Variants in PHLPP1 observed in about 807,000 individuals in gnomAD.
PHLPP1 encodes PH domain and leucine rich repeat protein phosphatase 1, also known as PH domain leucine-rich repeat-containing protein phosphatase 1.
In PHLPP1, 42 loss-of-function variants were observed where a neutral mutation model predicts 117.2. That is an observed-to-expected ratio of 0.36 (90% CI 0.28 to 0.46). PHLPP1 has a LOEUF of 0.46. PHLPP1 is among the 20% of genes least tolerant of loss of function. The pLI is 1.00. For missense variants in PHLPP1, 2,084 were observed against 2,241.9 expected, an observed-to-expected ratio of 0.93 and a Z score of 1.42; for synonymous variants, 1,042 against 970.7, an observed-to-expected ratio of 1.07 and a Z score of -1.37.
chr18:62,892,670 A>G lies in PHLPP1; in HGVS notation c.2067-2341A>G, dbSNP rs1183785780. Among the ~76,000 whole-genome samples the G allele has an allele frequency of 2.6e-5, 4 of 151,654 alleles. No homozygotes were observed. The East Asian group carries it at 8.1e-4, about 31-fold the overall frequency. ...GGCGGGCGGATCACGAGGCCAGGAG[A>G]TCGAGACCATCCTGGCCAACATGGT... On this transcript the variant is annotated intron_variant, in intron 4 of 16. Coordinates refer to ENST00000262719, the MANE Select transcript of PHLPP1 (RefSeq NM_194449.4).
At chr18:62,823,462 G>A (rs1914523948) in intron 1 of PHLPP1, among the ~76,000 whole-genome samples, 1 of 151,914 alleles carries the variant, frequency 6.6e-6, no homozygotes, top group Non-Finnish European at 1.5e-5. Flanking sequence ...TATTCAGGAG[G>A]CTTGAGGAGG....
At chr18:62,874,173 A>G (rs908993107) in intron 4 of PHLPP1, among the ~76,000 whole-genome samples, 6 of 148,080 alleles carry the variant, frequency 4.1e-5, no homozygotes, top group Non-Finnish European at 9.0e-5. Flanking sequence ...AATCAGAACG[A>G]AACTCTGTCT....
chr18:62,905,299 C>A lies in PHLPP1; in HGVS notation c.2708+15C>A. On this transcript the variant is annotated intron_variant, in intron 8 of 16. Coordinates refer to ENST00000262719, the MANE Select transcript of PHLPP1 (RefSeq NM_194449.4). ...GATGTTTCAAGGTAAGAAGTCAAGT[C>A]TTAGAGCCCTCTAGAGTCTACTAGA... The A allele has an allele frequency of 7.0e-7, 1 of 1,425,864 alleles. No homozygotes were observed. The highest frequency in any genetic ancestry group is 2.2e-5 in the Admixed American group (1 of 44,890). 88.3% of individuals were successfully genotyped at this position (1,425,864 alleles called of 1,614,324 possible).
At chr18:62,791,893 C>A (rs1415338671) in intron 1 of PHLPP1, among the ~76,000 whole-genome samples, 2 of 151,786 alleles carry the variant, frequency 1.3e-5, no homozygotes, top group Middle Eastern at 3.4e-3. Flanking sequence ...AAATTGGATT[C>A]GTACCCATTT....
chr18:62,933,724 A>C (rs995617978), intron 10 of PHLPP1, among the ~76,000 whole-genome samples: 3 of 152,200 alleles, frequency 2.0e-5, no homozygotes, highest in Admixed American at 6.5e-5. Flanking sequence ...TCGAAGGCAA[A>C]TGCAACAAAA....
chr18:62,727,807 G>A (rs376724212), intron 1 of PHLPP1, among the ~76,000 whole-genome samples: 1 of 151,942 alleles, frequency 6.6e-6, no homozygotes, highest in African/African-American at 2.4e-5. Flanking sequence ...TCTTTTTGAT[G>A]CCCCAATTTC....
chr18:62,724,249 C>A (rs957389135), intron 1 of PHLPP1, among the ~76,000 whole-genome samples: 1 of 152,090 alleles, frequency 6.6e-6, no homozygotes, highest in Non-Finnish European at 1.5e-5. Context: ...TAGCAAGATG[C>A]CTTCATAGTC....
chr18:62,791,919 A>G (rs977700902), intron 1 of PHLPP1, among the ~76,000 whole-genome samples: 1 of 151,974 alleles, frequency 6.6e-6, no homozygotes, highest in African/African-American at 2.4e-5. Context: ...TTTCATAACT[A>G]TAATTATTAC....
At chr18:62,821,422 G>A (rs556715553) in intron 1 of PHLPP1, among the ~76,000 whole-genome samples, 4 of 151,984 alleles carry the variant, frequency 2.6e-5, no homozygotes, top group South Asian at 2.1e-4. Context: ...AATGGCATAT[G>A]CCTGTAGTCC....
In PHLPP1 at chr18:62,937,832, T is replaced by C. The variant is rs1404537968; in HGVS notation, c.2961-3886T>C. On this transcript the variant is annotated intron_variant, in intron 10 of 16. Transcript: ENST00000262719. ...TTCGAGACCAGCCTGGCCAACATGG[T>C]GAAACCCTGTCTCTGCTAAAAATAC... Among the ~76,000 whole-genome samples the C allele has an allele frequency of 2.0e-5, 3 of 152,050 alleles. 1 individual carries two copies. The highest frequency in any genetic ancestry group is 7.3e-5 in the African/African-American group (3 of 41,364).
Position 62,715,978 on chromosome 18 carries a change from C to T in PHLPP1, c.295C>T (p.Pro99Ser). ...CGGGCGCAGGAGGCGGCGCGGGGCG[C>T]CCCAGCCCATTGCCGGCGGGGCTGC... is the stretch of plus-strand genomic sequence containing the variant. ...GAGRRRRRGA[P>S]QPIAGGAAPV... Residue 99 changes from proline (P) to serine (S), a missense_variant, in exon 1 of 17, where the codon CCC (proline) becomes TCC (serine). Physicochemically the swap from Pro to Ser is moderately conservative, Grantham distance 74. Transcript: ENST00000262719. The T allele has an allele frequency of 1.5e-6, 2 of 1,322,054 alleles. No individual in the cohort carries two copies. Among genetic ancestry groups the T allele is most frequent in the South Asian group, 1.9e-5 (1 of 51,790 alleles). 81.9% of individuals were successfully genotyped at this position (1,322,054 alleles called of 1,614,324 possible).
intron 2 of PHLPP1, among the ~76,000 whole-genome samples, chr18:62,836,151 A>T (rs908159672): frequency 1.3e-5 from 2 of 151,878 alleles, no homozygotes; most frequent in African/African-American, 4.8e-5. Context: ...TTAATTAATT[A>T]AAAGGCTGGG....
At chr18:62,812,095 C>T (rs116869322) in intron 1 of PHLPP1, among the ~76,000 whole-genome samples, 3,572 of 152,202 alleles carry the variant, frequency 0.023, 53 homozygotes, top group Middle Eastern at 0.058. Flanking sequence ...TATATTGGGA[C>T]TTATATGATT....
chr18:62,866,334 C>T (rs915669125), intron 4 of PHLPP1, among the ~76,000 whole-genome samples: 1 of 151,752 alleles, frequency 6.6e-6, no homozygotes, highest in African/African-American at 2.4e-5. Flanking sequence ...AACCTCCGCC[C>T]CCCAGGTTCA....
intron 15 of PHLPP1, 100 bp from the exon 16 acceptor site, chr18:62,975,297 C>T (rs551591283): frequency 2.6e-6 from 2 of 761,302 alleles, no homozygotes; most frequent in African/African-American, 3.4e-5. Context: ...CCAGCTGTCT[C>T]CTTCCTGGCC....
At chr18:62,958,032 C>T (rs1208452188) in intron 12 of PHLPP1, among the ~76,000 whole-genome samples, 5 of 151,978 alleles carry the variant, frequency 3.3e-5, no homozygotes, top group African/African-American at 4.8e-5. Context: ...AAGTGATTCT[C>T]ATGTGTCAGC....
chr18:62,803,205 T>C (rs1287547329), intron 1 of PHLPP1, among the ~76,000 whole-genome samples: 4 of 152,202 alleles, frequency 2.6e-5, no homozygotes, highest in Non-Finnish European at 4.4e-5. Context: ...TAAACATTTG[T>C]CTGTTTATCA....
intron 1 of PHLPP1, among the ~76,000 whole-genome samples, chr18:62,762,970 A>C (rs983350549): frequency 5.3e-5 from 8 of 152,234 alleles, no homozygotes; most frequent in Non-Finnish European, 1.0e-4. Context: ...CTAGAAATAT[A>C]AATTGTAAAA....
chr18:62,959,554 T>C (rs1028675152), intron 13 of PHLPP1, among the ~76,000 whole-genome samples: 1 of 152,222 alleles, frequency 6.6e-6, no homozygotes, highest in African/African-American at 2.4e-5. Context: ...TCTTTAAACT[T>C]TTCTGAATTT....
Sources: gnomAD v4.1 joint callset for allele counts (sites outside exome capture counted in the v4.1 genomes callset) on GRCh38, gnomAD v4.1.1 for gene constraint, MANE v1.5 for transcripts, NCBI Gene and HGNC (gene_info 2026-07-23, HGNC 2026-07-21) for gene names.